The following OSBP2 variants were observed in gnomAD, a reference collection of about 807,000 sequenced individuals.
OSBP2 encodes the protein oxysterol-binding protein 2.
In OSBP2, 66 loss-of-function variants were observed where a neutral mutation model predicts 96.0. That is an observed-to-expected ratio of 0.69 (90% confidence interval 0.56 to 0.84). The LOEUF (loss-of-function observed/expected upper bound fraction) is 0.84. Among genes scored for constraint, OSBP2 ranks in the 40% least tolerant of loss-of-function variants. The pLI, the probability that OSBP2 is intolerant of heterozygous loss-of-function variation, is 0.00. For synonymous variants in OSBP2, 525 were observed against 520.9 expected (o/e 1.01, Z -0.11); for missense variants, 1,038 against 1,222.7 (o/e 0.85, Z 2.25).
chr22:30,856,033 G>A (rs1261270545), intron 2 of OSBP2, among the ~76,000 whole-genome samples: 3 of 152,232 alleles, frequency 2.0e-5, no homozygotes, highest in Admixed American at 6.5e-5. Context: ...CCTGGCATTG[G>A]TTGGGCTTTG....
chr22:30,805,041 G>A (rs2090908901), intron 2 of OSBP2, among the ~76,000 whole-genome samples: 1 of 152,144 alleles, frequency 6.6e-6, no homozygotes, highest in African/African-American at 2.4e-5. Flanking sequence ...CCCATAGTCT[G>A]AGCAACTTAA....
intron 2 of OSBP2, among the ~76,000 whole-genome samples, chr22:30,766,168 A>G (rs1242992662): frequency 3.9e-5 from 6 of 152,200 alleles, no homozygotes; most frequent in Non-Finnish European, 8.8e-5. Flanking sequence ...CCAGGAGGTC[A>G]AGGCTTCAGT....
chr22:30,716,600 G>A (rs2089460308), intron 1 of OSBP2, among the ~76,000 whole-genome samples: 1 of 151,202 alleles, frequency 6.6e-6, no homozygotes, highest in Non-Finnish European at 1.5e-5. Context: ...ACCACGCCTG[G>A]CTAATTTTTT....
chr22:30,711,344 T>TAA (rs1479079462), intron 1 of OSBP2, among the ~76,000 whole-genome samples: 6 of 151,998 alleles, frequency 3.9e-5, no homozygotes, highest in Non-Finnish European at 7.4e-5. Flanking sequence ...CATATATATA[T>TAA]AAATACATTT....
chr22:30,898,048 T>C (rs1166158892), intron 12 of OSBP2, among the ~76,000 whole-genome samples: 1 of 152,174 alleles, frequency 6.6e-6, no homozygotes, highest in African/African-American at 2.4e-5. Context: ...ATGTTGAGGC[T>C]TTCTCCTTTG....
At chr22:30,846,563 G>A (rs1237552573) in intron 2 of OSBP2, among the ~76,000 whole-genome samples, 1 of 151,964 alleles carries the variant, frequency 6.6e-6, no homozygotes, top group Non-Finnish European at 1.5e-5. Flanking sequence ...GGTGGGAAAT[G>A]CTAGTATCTC....
At chr22:30,858,260 C>A (rs1026089216) in intron 2 of OSBP2, among the ~76,000 whole-genome samples, 21 of 151,008 alleles carry the variant, frequency 1.4e-4, no homozygotes, top group Admixed American at 7.9e-4. Flanking sequence ...CATTCTCCTG[C>A]CTCAGCCTCC....
intron 2 of OSBP2, among the ~76,000 whole-genome samples, chr22:30,808,756 C>T (rs925151636): frequency 6.6e-6 from 1 of 152,056 alleles, no homozygotes; most frequent in Non-Finnish European, 1.5e-5. Context: ...AGATCGAGAC[C>T]ATCCTGGCTA....
chr22:30,822,530 T>C, intron 2 of OSBP2: 1 of 1,376,950 alleles, frequency 7.3e-7, no homozygotes, highest in Admixed American at 3.2e-5. Context: ...GTCCGCCGCC[T>C]CCGCCGGGCG....
chr22:30,725,286 C>G (rs1180456858), intron 1 of OSBP2, among the ~76,000 whole-genome samples: 6 of 151,964 alleles, frequency 3.9e-5, no homozygotes, highest in African/African-American at 1.4e-4. Flanking sequence ...AGTCAGATCT[C>G]TTGAGGCCAG....
chr22:30,819,123 T>C (rs560304323), intron 2 of OSBP2, among the ~76,000 whole-genome samples: 107 of 152,226 alleles, frequency 7.0e-4, no homozygotes, highest in Middle Eastern at 3.4e-3. Flanking sequence ...TCACCTGAGG[T>C]CAGGAGTTCA....
chr22:30,873,369 AG>A (rs1175804561), intron 3 of OSBP2, among the ~76,000 whole-genome samples: 2 of 152,106 alleles, frequency 1.3e-5, no homozygotes, highest in South Asian at 2.1e-4. Flanking sequence ...CCAACCTCAA[AG>A]ATCTCCGTGA....
At chr22:30,755,432 T>C (rs1044753275) in intron 2 of OSBP2, among the ~76,000 whole-genome samples, 10 of 152,218 alleles carry the variant, frequency 6.6e-5, no homozygotes, top group Non-Finnish European at 1.0e-4. Context: ...TCTTATCCTT[T>C]ATTAGAAAAA....
At position 30,730,800 on chromosome 22, in the gene OSBP2, ATATATATAATT is replaced by A. The variant is rs1569100640; in HGVS notation, c.645-10359_645-10349del. 3.8e-4 allele frequency among the ~76,000 whole-genome samples: 19 copies of A among 49,854 alleles called. 1 individual carries two copies. Among genetic ancestry groups the A allele is most frequent in the South Asian group, 2.8e-3 (3 of 1,064 alleles). 32.7% of individuals were successfully genotyped at this position (49,854 alleles called of 152,430 possible). ...TATATATATATATATATATATATAT[ATATATATAATT>A]TTTTTTTTTTTTCCCATGGACATTT... On this transcript the variant is annotated intron_variant, in intron 1 of 13. Transcript: ENST00000332585.
Position 30,725,197 on chromosome 22 carries a change from CAAA to C in OSBP2, c.645-15956_645-15954del, listed in dbSNP as rs113509824. 5.0e-5 allele frequency among the ~76,000 whole-genome samples: 7 copies of C among 138,766 alleles called. No homozygotes were observed. The Admixed American group carries it at 5.2e-4, about 10-fold the overall frequency. The allele number at this position is 138,766 out of a possible 152,430, so 91.0% of individuals were successfully genotyped here. On this transcript the variant is annotated intron_variant, in intron 1 of 13. Coordinates refer to ENST00000332585, the MANE Select transcript of OSBP2 (RefSeq NM_030758.4). Reference sequence around the variant, plus strand: ...TCTCAAAAACAAAAAAACAAAAAAACAAAAAAAAAACAAAAACAAATTATAGGC... The same window carrying C: ...TCTCAAAAACAAAAAAACAAAAAAACAAAAAAACAAAAACAAATTATAGGC...
At chr22:30,788,192 G>A (rs969094210) in intron 2 of OSBP2, among the ~76,000 whole-genome samples, 4 of 152,170 alleles carry the variant, frequency 2.6e-5, no homozygotes, top group African/African-American at 7.2e-5. Flanking sequence ...GACAGTGATG[G>A]TGATGGTGGG....
intron 1 of OSBP2, among the ~76,000 whole-genome samples, chr22:30,715,229 A>G (rs1569093723): frequency 6.6e-6 from 1 of 152,012 alleles, no homozygotes; most frequent in Non-Finnish European, 1.5e-5. Context: ...CAGTTTCTCT[A>G]CGTCCTTGCC....
At chr22:30,753,724 G>C (rs1477519391) in intron 2 of OSBP2, among the ~76,000 whole-genome samples, 1 of 152,194 alleles carries the variant, frequency 6.6e-6, no homozygotes, top group East Asian at 1.9e-4. Context: ...GGGTTATTTG[G>C]CTCCCTCTGA....
At chr22:30,727,176 C>T (rs2089665271) in intron 1 of OSBP2, among the ~76,000 whole-genome samples, 1 of 152,162 alleles carries the variant, frequency 6.6e-6, no homozygotes, top group African/African-American at 2.4e-5. Context: ...TAAGGTAAGT[C>T]CTCAGGATGT....
Sources: gnomAD v4.1 joint callset for allele counts (sites outside exome capture counted in the v4.1 genomes callset) on GRCh38, gnomAD v4.1.1 for gene constraint, MANE v1.5 for transcripts, NCBI Gene and HGNC (gene_info 2026-07-23, HGNC 2026-07-21) for gene names.